RSPO1: variants seen among roughly 807,000 people sequenced by gnomAD.
RSPO1 encodes R-spondin-1.
A neutral mutation model predicts 26.0 loss-of-function variants in RSPO1; 18 were observed. The observed-to-expected ratio is 0.69, with a 90% CI of 0.48 to 1.03. The LOEUF is 1.03. Ranked by LOEUF, RSPO1 falls within the 50% of genes least tolerant of loss-of-function variation. RSPO1 has a pLI of 0.00. For synonymous variants in RSPO1, 133 were observed against 137.4 expected (o/e 0.97, Z 0.22); for missense variants, 309 against 352.3 (o/e 0.88, Z 0.98).
chr1:37,633,999 G>A lies in RSPO1; in HGVS notation c.-356+567C>T, dbSNP rs368502856. Among the ~76,000 whole-genome samples, 6 of 152,176 alleles carry A rather than the reference G, an allele frequency of 3.9e-5. No homozygotes were observed. In the East Asian group the frequency reaches 1.2e-3, roughly 29 times the overall value. Reference sequence around the variant, plus strand: ...CTCCAAGTCTGTCCCGGCCCTCCAGGGAGTCCCGGGCGAACATAGCCCCCA... The same window carrying A: ...CTCCAAGTCTGTCCCGGCCCTCCAGAGAGTCCCGGGCGAACATAGCCCCCA... On this transcript the variant is annotated intron_variant, in intron 1 of 6. Transcript: ENST00000356545.
At chr1:37,617,268 G>A (rs1644128725) in intron 3 of RSPO1, among the ~76,000 whole-genome samples, 2 of 152,184 alleles carry the variant, frequency 1.3e-5, no homozygotes, top group South Asian at 2.1e-4. Context: ...GTAGAGCCCA[G>A]GGATGCTGCT....
chr1:37,630,006 A>G, intron 2 of RSPO1, 57 bp from the exon 3 acceptor site: 1 of 787,134 alleles, frequency 1.3e-6, no homozygotes, highest in South Asian at 1.5e-5. Flanking sequence ...ACTCCCACTT[A>G]TGCCTCCTGC....
At chr1:37,614,733 G>A (rs1400089888) in intron 4 of RSPO1, among the ~76,000 whole-genome samples, 2 of 152,238 alleles carry the variant, frequency 1.3e-5, no homozygotes, top group South Asian at 4.1e-4. Flanking sequence ...ACCCTAAACA[G>A]AGTTGAACTG....
intron 3 of RSPO1, among the ~76,000 whole-genome samples, chr1:37,627,647 CACAAAACAAA>C (rs56125415): frequency 0.42 from 61,916 of 148,348 alleles, 13,268 homozygotes; most frequent in Admixed American, 0.51. Flanking sequence ...AAGACTCCAT[CACAAAACAAA>C]ACAAAACAAA....
At chr1:37,626,051 C>T (rs117385212) in intron 3 of RSPO1, among the ~76,000 whole-genome samples, 1 of 152,146 alleles carries the variant, frequency 6.6e-6, no homozygotes, top group Admixed American at 6.5e-5. Context: ...CTGTTTGCTT[C>T]CCGCCTCAAG....
intron 3 of RSPO1, 42 bp from the exon 4 acceptor site, chr1:37,616,717 A>ATCAAAG: frequency 6.5e-7 from 1 of 1,534,826 alleles, no homozygotes; most frequent in Non-Finnish European, 9.0e-7. Context: ...CTGTGGAGAG[A>ATCAAAG]ACCTCACCTA....
rs543546003 is a variant in RSPO1, at chr1:37,615,275, C to T, written c.287-942G>A. Among the ~76,000 whole-genome samples the T allele has an allele frequency of 1.2e-4, 19 of 152,308 alleles. No homozygotes were observed. The East Asian group carries it at 3.7e-3, about 29-fold the overall frequency. ...TCCCTCCTTCCTTCCCTCCCTGGTG[C>T]TCTGATTCCTGGGTTTGGTTGCCAG... On this transcript the variant is annotated intron_variant, in intron 4 of 6. Coordinates refer to ENST00000356545, the MANE Select transcript of RSPO1 (RefSeq NM_001242908.2).
At position 37,612,842 on chromosome 1, in the gene RSPO1, C is replaced by T. The variant is rs764203076; in HGVS notation, c.705G>A (p.Ala235=). The T allele has an allele frequency of 1.3e-5, 21 of 1,613,870 alleles. No homozygotes were observed. Among genetic ancestry groups the T allele is most frequent in the Non-Finnish European group, 1.7e-5 (20 of 1,180,046 alleles). ...RNLARKESKE[A]GAGSRRRKGQ... ...CCTTGCGTCTTCGAGAGCCAGCACC[C>T]GCCTCCTTGCTCTCCTTCCTGGCCA... The change falls in exon 7 of 7, where the codon GCG becomes GCA. Residue 235 remains alanine (A), a synonymous_variant. Coordinates refer to ENST00000356545, the MANE Select transcript of RSPO1 (RefSeq NM_001242908.2).
chr1:37,615,228 A>G (rs1470974330), intron 4 of RSPO1, among the ~76,000 whole-genome samples: 1 of 152,082 alleles, frequency 6.6e-6, no homozygotes, highest in Non-Finnish European at 1.5e-5. Flanking sequence ...CTCCAGGCTT[A>G]TCTCAGCCTC....
At chr1:37,631,065 G>A (rs1042940419) in intron 2 of RSPO1, among the ~76,000 whole-genome samples, 19 of 152,310 alleles carry the variant, frequency 1.2e-4, no homozygotes, top group African/African-American at 4.3e-4. Context: ...AGGTGCTGGA[G>A]TGGAGGTGCC....
At chr1:37,619,135 A>C (rs573599890) in intron 3 of RSPO1, among the ~76,000 whole-genome samples, 1 of 152,344 alleles carries the variant, frequency 6.6e-6, no homozygotes, top group Admixed American at 6.5e-5. Flanking sequence ...AGGCAGGAGA[A>C]TCACTTGAAC....
rs547019016 is a variant in RSPO1 at position 37,619,300 on chromosome 1, A to G, written c.95-2625T>C. Among the ~76,000 whole-genome samples, 12 of 152,326 alleles carry G rather than the reference A, an allele frequency of 7.9e-5. No homozygotes were observed. In the East Asian group the frequency reaches 2.3e-3, roughly 29 times the overall value. ...TACAGGCAGAAGGCAGAGAGCTGGG[A>G]AAATCAGAATAGAGATGGTGGGAGG... On this transcript the variant is annotated intron_variant, in intron 3 of 6. Coordinates refer to ENST00000356545, the MANE Select transcript of RSPO1 (RefSeq NM_001242908.2).
intron 3 of RSPO1, among the ~76,000 whole-genome samples, chr1:37,622,801 G>T (rs958801878): frequency 6.6e-6 from 1 of 152,176 alleles, no homozygotes; most frequent in African/African-American, 2.4e-5. Context: ...CTTGAGAAGG[G>T]CAGTTTTGGT....
intron 3 of RSPO1, among the ~76,000 whole-genome samples, chr1:37,619,719 A>G (rs921438728): frequency 1.3e-5 from 2 of 151,836 alleles, no homozygotes; most frequent in African/African-American, 4.8e-5. Context: ...TGAGGTAGGT[A>G]CTATTGTTAT....
chr1:37,632,149 C>T (rs760315120), intron 2 of RSPO1, 138 bp downstream of exon 2: 13 of 152,234 alleles, frequency 8.5e-5, no homozygotes, highest in Non-Finnish European at 1.5e-4. Context: ...CTTGTGCCAA[C>T]CTGTCATGGT....
chr1:37,623,291 A>G (rs537310824), intron 3 of RSPO1, among the ~76,000 whole-genome samples: 21 of 152,126 alleles, frequency 1.4e-4, no homozygotes, highest in African/African-American at 4.8e-4. Flanking sequence ...GGTCCAAGGA[A>G]GACGGTTCAT....
In RSPO1 at chr1:37,613,008, A is replaced by G. The variant is rs1206180036; in HGVS notation, c.626-87T>C. ...CCACAGGCCCTAGGAGGGGAGTGTG[A>G]GGAAGCCGGAAGGGGAGGCAGGGAG... On this transcript the variant is annotated intron_variant, in intron 6 of 6. Transcript: ENST00000356545. The surrounding 1 kb of genome is among the most constrained non-coding windows in gnomAD (Gnocchi z 4.5). 13 of 1,480,482 alleles carry G rather than the reference A, an allele frequency of 8.8e-6. No homozygotes were observed. Among genetic ancestry groups the G allele is most frequent in the Non-Finnish European group, 1.1e-5 (12 of 1,069,722 alleles). The allele number at this position is 1,480,482 out of a possible 1,614,324, so 91.7% of individuals were successfully genotyped here.
At chr1:37,625,562 T>A (rs1039257303) in intron 3 of RSPO1, among the ~76,000 whole-genome samples, 2 of 151,818 alleles carry the variant, frequency 1.3e-5, no homozygotes, top group Non-Finnish European at 2.9e-5. Context: ...AGGAAGTGAG[T>A]AGGCCAGGGC....
chr1:37,612,613 G>C lies in RSPO1; in HGVS notation c.*142C>G, dbSNP rs1570091341. ...TATATGTGGACAGGGGTTTGAGCGT[G>C]TGTGTCTTGTGTCTATGTATGCATG... On this transcript the variant is annotated 3_prime_UTR_variant, in exon 7 of 7. Transcript: ENST00000356545. The C allele has an allele frequency of 1.7e-5, 15 of 862,618 alleles. No individual in the cohort carries two copies. The South Asian group carries it at 1.9e-4, about 11-fold the overall frequency. 53.4% of individuals were successfully genotyped at this position (862,618 alleles called of 1,614,324 possible).
Sources: allele counts gnomAD v4.1 joint callset (sites outside exome capture counted in the v4.1 genomes callset), GRCh38; gene constraint gnomAD v4.1.1; non-coding constraint Gnocchi (gnomAD v3.1); transcripts MANE v1.5; gene names NCBI Gene and HGNC (gene_info 2026-07-23, HGNC 2026-07-21).